The following HAL variants were observed in gnomAD, a reference collection of about 807,000 sequenced individuals.
HAL encodes histidase.
Under a neutral mutation model 81.1 loss-of-function variants are expected in HAL, and 85 were observed. That is an observed-to-expected ratio of 1.05 (90% confidence interval 0.88 to 1.25). The LOEUF (loss-of-function observed/expected upper bound fraction) is 1.25. Ranked by LOEUF, HAL falls within the 50% of genes most tolerant of loss-of-function variation. The pLI, the probability that HAL is intolerant of heterozygous loss-of-function variation, is 0.00. For missense variants in HAL, 798 were observed against 836.6 expected, an observed-to-expected ratio of 0.95 and a Z score of 0.57; for synonymous variants, 301 against 309.2, an observed-to-expected ratio of 0.97 and a Z score of 0.28.
rs959340075 is a variant in HAL at position 95,973,653 on chromosome 12, G to A, written c.*579C>T. ...TTAATCACCTCTACAATTAATAGCT[G>A]AAGACCCTATTGACTACTCTTTACT... On this transcript the variant is annotated 3_prime_UTR_variant, in exon 21 of 21. Coordinates refer to ENST00000261208, the MANE Select transcript of HAL (RefSeq NM_002108.4). 3.2e-5 allele frequency: 5 copies of A among 154,214 alleles called. No homozygotes were observed. The highest frequency in any genetic ancestry group is 1.2e-4 in the African/African-American group (5 of 41,404). 9.6% of individuals were successfully genotyped at this position (154,214 alleles called of 1,614,324 possible).
chr12:95,992,816 G>T lies in HAL; in HGVS notation c.590-11C>A. ...GTGGTTTCCCAACACCTGCAAAACA[G>T]AATTGATGTTTTCTCCAAGAAAAGC... On this transcript the variant is annotated splice_polypyrimidine_tract_variant and intron_variant, in intron 8 of 20. Coordinates refer to ENST00000261208, the MANE Select transcript of HAL (RefSeq NM_002108.4). 1 of 1,611,486 alleles carries T rather than the reference G, an allele frequency of 6.2e-7. No homozygotes were observed. Among genetic ancestry groups the T allele is most frequent in the Non-Finnish European group, 8.5e-7 (1 of 1,177,828 alleles).
At chr12:95,991,678 A>G (rs10859998) in intron 9 of HAL, among the ~76,000 whole-genome samples, 48,152 of 152,118 alleles carry the variant, frequency 0.32, 8,608 homozygotes, top group African/African-American at 0.49. Flanking sequence ...CCACAGACCA[A>G]CTTCTGGCTG....
Position 95,996,139 on chromosome 12 carries a change from G to A in HAL, c.-143C>T. The A allele has an allele frequency of 1.8e-6, 1 of 554,454 alleles. No individual in the cohort carries two copies. The allele number at this position is 554,454 out of a possible 1,614,324, so 34.3% of individuals were successfully genotyped here. ...AGGAGCAGGGGATGCAGACGGGTGA[G>A]CCTCCTGTCCACTTTCCATCCAGAC... is the stretch of plus-strand genomic sequence containing the variant. On this transcript the variant is annotated 5_prime_UTR_variant, in exon 1 of 21. Transcript: ENST00000261208.
Position 95,994,916 on chromosome 12 carries a change from C to T in HAL, c.308+17G>A. 2.5e-6 allele frequency: 4 copies of T among 1,609,690 alleles called. No homozygotes were observed. The highest frequency in any genetic ancestry group is 3.4e-6 in the Non-Finnish European group (4 of 1,175,948). On this transcript the variant is annotated intron_variant, in intron 3 of 20. Coordinates refer to ENST00000261208, the MANE Select transcript of HAL (RefSeq NM_002108.4). ...GCCACCCCCAGAGCAGACCAAAGAG[C>T]CTGTGGGAAAGGATACAGATAAACT...
At chr12:95,989,989 G>A (rs558310788) in intron 10 of HAL, 6 of 274,162 alleles carry the variant, frequency 2.2e-5, no homozygotes, top group South Asian at 1.2e-4. Flanking sequence ...TAAGAGCTTA[G>A]GGAAAAATGA....
At chr12:95,992,938 G>T in intron 8 of HAL, 133 bp from the exon 9 acceptor site, 2 of 805,602 alleles carry the variant, frequency 2.5e-6, no homozygotes, top group Non-Finnish European at 4.3e-6. Flanking sequence ...GGCTCAGGTA[G>T]TTGGACTACT....
Position 95,995,960 on chromosome 12 carries a change from T to G in HAL, c.-50A>C, listed in dbSNP as rs1950031748. On this transcript the variant is annotated 5_prime_UTR_variant, in exon 2 of 21. Coordinates refer to ENST00000261208, the MANE Select transcript of HAL (RefSeq NM_002108.4). ...CAGCTGGTCACAGGAGGGGAGAGCT[T>G]TATGCAGGAGTGGCTACCGGGGTGT... 6.3e-7 allele frequency: 1 copy of G among 1,593,576 alleles called. No homozygotes were observed. The highest frequency in any genetic ancestry group is 1.3e-5 in the African/African-American group (1 of 74,772).
chr12:95,993,462 G>C lies in HAL; in HGVS notation c.578C>G (p.Ser193Ter), dbSNP rs145312493. ...ACGTTTTGACTTACCTGAAGAATGT[G>C]AGCGTACTAAGTTGACCTGAAGCTC... ...LQELQVNLVR[S>*]HSSGVGKPLS... Residue 193 changes from serine to a stop codon, truncating the protein, a stop_gained, in exon 8 of 21, where the codon TCA becomes TGA. Coordinates refer to ENST00000261208, the MANE Select transcript of HAL (RefSeq NM_002108.4). LOFTEE classifies it high-confidence loss of function. The C allele has an allele frequency of 2.0e-5, 32 of 1,603,736 alleles. No individual in the cohort carries two copies. The Admixed American group carries it at 2.8e-4, about 14-fold the overall frequency.
At chr12:95,992,051 T>C (rs1949976811) in intron 9 of HAL, among the ~76,000 whole-genome samples, 1 of 152,188 alleles carries the variant, frequency 6.6e-6, no homozygotes, top group South Asian at 2.1e-4. Flanking sequence ...GGCTTGTCCT[T>C]ACCTGTGAGA....
chr12:95,994,847 T>C (rs766051894), intron 3 of HAL, 22 bp from the exon 4 acceptor site: 11 of 1,613,760 alleles, frequency 6.8e-6, no homozygotes, highest in Non-Finnish European at 9.3e-6. Flanking sequence ...TAAAGGAACA[T>C]ATAGGGTGGT....
chr12:95,988,410 G>C (rs1479610774), intron 10 of HAL, among the ~76,000 whole-genome samples, 170 bp from the exon 11 acceptor site: 4 of 152,144 alleles, frequency 2.6e-5, no homozygotes, highest in African/African-American at 9.7e-5. Flanking sequence ...CTCTAGTTCT[G>C]TTCTTTAGTC....
At chr12:95,986,236 T>G in intron 12 of HAL, 76 bp from the exon 13 acceptor site, 1 of 870,486 alleles carries the variant, frequency 1.1e-6, no homozygotes, top group Non-Finnish European at 1.9e-6. Flanking sequence ...TCTCACTACG[T>G]TCCCCAGGCT....
intron 14 of HAL, among the ~76,000 whole-genome samples, chr12:95,984,915 G>A (rs1949860245): frequency 6.6e-6 from 1 of 152,116 alleles, no homozygotes; most frequent in Admixed American, 6.5e-5. Flanking sequence ...TTTATTCTAG[G>A]GAGGACTCTC....
chr12:95,994,718 C>T, intron 4 of HAL, 80 bp downstream of exon 4: 1 of 1,368,878 alleles, frequency 7.3e-7, no homozygotes, highest in Non-Finnish European at 1.0e-6. Flanking sequence ...AGTGTTTTCT[C>T]AGAAGTTTTC....
intron 19 of HAL, 34 bp from the exon 20 acceptor site, chr12:95,976,532 C>G (rs2080721613): frequency 6.2e-7 from 1 of 1,608,464 alleles, no homozygotes; most frequent in Non-Finnish European, 8.5e-7. Context: ...ATCAGCCAAA[C>G]ATGAAACCCT....
rs779119606 is a variant in HAL at position 95,980,942 on chromosome 12, C to T, written c.1288-79G>A. The T allele has an allele frequency of 2.4e-5, 21 of 861,808 alleles. 1 individual carries two copies. The highest frequency in any genetic ancestry group is 8.3e-5 in the African/African-American group (5 of 60,150). The allele number at this position is 861,808 out of a possible 1,614,324, so 53.4% of individuals were successfully genotyped here. A position where few individuals can be genotyped will look rare whatever the true frequency, so the allele number is the denominator to read the frequency against. On this transcript the variant is annotated intron_variant, in intron 15 of 20. Transcript: ENST00000261208. ...AACCCCTTCCTGCCTTCTTTTTTAA[C>T]GTGGAGGTGGCAGTCTGTGTACAAA...
chr12:95,975,281 A>G (rs1312584821), intron 20 of HAL, among the ~76,000 whole-genome samples: 1 of 151,938 alleles, frequency 6.6e-6, no homozygotes, highest in East Asian at 1.9e-4. Flanking sequence ...AGCCACTTTA[A>G]TGTTGGAGAG....
intron 8 of HAL, 45 bp from the exon 9 acceptor site, chr12:95,992,850 T>C (rs778050360): frequency 2.5e-6 from 4 of 1,593,282 alleles, no homozygotes; most frequent in Non-Finnish European, 3.4e-6. Context: ...GCAAACTCCT[T>C]TTTGTCTCCT....
At chr12:95,977,794 G>T in intron 18 of HAL, 150 bp downstream of exon 18, 1 of 793,992 alleles carries the variant, frequency 1.3e-6, no homozygotes. Context: ...TGGAGTGTCT[G>T]AATTAGCCAG....
Sources: gnomAD v4.1 joint callset for allele counts (sites outside exome capture counted in the v4.1 genomes callset) on GRCh38, gnomAD v4.1.1 for gene constraint, MANE v1.5 for transcripts, NCBI Gene and HGNC (gene_info 2026-07-23, HGNC 2026-07-21) for gene names.